Variants in FER observed in about 807,000 individuals in gnomAD.
FER encodes the protein tyrosine-protein kinase Fer.
A neutral mutation model predicts 111.0 loss-of-function variants in FER; 63 were observed. The ratio of observed to expected loss-of-function variants is 0.57; its 90% CI spans 0.46 to 0.70. The LOEUF is 0.70. Among genes scored for constraint, FER ranks in the 30% least tolerant of loss-of-function variants. The probability of loss-of-function intolerance (pLI) is 0.00; values close to 1 mark genes in which losing one functional copy is unlikely to be tolerated. For missense variants in FER, 914 were observed against 954.0 expected (o/e 0.96, Z 0.55); for synonymous variants, 327 against 313.9 (o/e 1.04, Z -0.44).
chr5:109,105,053 T>C (rs28668572), intron 17 of FER, among the ~76,000 whole-genome samples: 1 of 152,122 alleles, frequency 6.6e-6, no homozygotes, highest in African/African-American at 2.4e-5. Context: ...AAGACTAATA[T>C]TATTCTTAAG....
chr5:108,992,553 G>C (rs1002049809), intron 13 of FER, among the ~76,000 whole-genome samples: 1 of 149,324 alleles, frequency 6.7e-6, no homozygotes, highest in African/African-American at 2.5e-5. Flanking sequence ...GGGCAGAGGG[G>C]CTCCTCACTT....
chr5:109,077,917 A>T (rs1776534741), intron 16 of FER, among the ~76,000 whole-genome samples: 1 of 152,208 alleles, frequency 6.6e-6, no homozygotes, highest in South Asian at 2.1e-4. Context: ...ATAGTACTTA[A>T]GTATTATTAT....
At chr5:108,788,962 T>A (rs528291618) in intron 2 of FER, among the ~76,000 whole-genome samples, 1 of 152,350 alleles carries the variant, frequency 6.6e-6, no homozygotes, top group East Asian at 1.9e-4. Context: ...CGCATTGACA[T>A]TGTCAATTCT....
intron 3 of FER, among the ~76,000 whole-genome samples, chr5:108,831,586 A>G (rs1760052748): frequency 6.6e-6 from 1 of 152,188 alleles, no homozygotes; most frequent in Non-Finnish European, 1.5e-5. Flanking sequence ...TTTCACAACT[A>G]AAAATAGTCC....
At chr5:108,869,265 A>G (rs1366261474) in intron 6 of FER, among the ~76,000 whole-genome samples, 1 of 152,116 alleles carries the variant, frequency 6.6e-6, no homozygotes, top group African/African-American at 2.4e-5. Flanking sequence ...TATCCAGGGT[A>G]TATCTATGAC....
chr5:109,046,357 A>G (rs1488991696), intron 15 of FER, among the ~76,000 whole-genome samples: 1 of 152,112 alleles, frequency 6.6e-6, no homozygotes, highest in Non-Finnish European at 1.5e-5. Flanking sequence ...ATATATATAT[A>G]TATATGCGCT....
intron 2 of FER, among the ~76,000 whole-genome samples, chr5:108,794,526 A>ACCCCCCCC (rs138716410): frequency 9.6e-4 from 102 of 106,376 alleles, no homozygotes; most frequent in East Asian, 1.3e-3. Context: ...CCCCCTCCGC[A>ACCCCCCCC]CCCCCCCCCC....
intron 1 of FER, chr5:108,748,573 C>G (rs1057046639): frequency 2.0e-5 from 3 of 152,356 alleles, no homozygotes; most frequent in African/African-American, 7.2e-5. Flanking sequence ...TAGGGAGGAG[C>G]AGGTTACCGA....
chr5:108,855,594 GAAA>G (rs199949845), intron 5 of FER, among the ~76,000 whole-genome samples: 3 of 102,982 alleles, frequency 2.9e-5, no homozygotes, highest in Non-Finnish European at 2.0e-5. Flanking sequence ...GCACTCCAGC[GAAA>G]AAAAAAAAAA....
intron 13 of FER, among the ~76,000 whole-genome samples, chr5:108,983,542 T>C (rs1762234658): frequency 6.6e-6 from 1 of 152,104 alleles, no homozygotes; most frequent in South Asian, 2.1e-4. Context: ...CTGATGACAG[T>C]GAAGTTTTTG....
At chr5:109,176,957 T>A (rs964814449) in intron 17 of FER, among the ~76,000 whole-genome samples, 1 of 152,202 alleles carries the variant, frequency 6.6e-6, no homozygotes, top group Non-Finnish European at 1.5e-5. Flanking sequence ...AACAAATATA[T>A]ACATGTAGTA....
chr5:108,845,069 C>CAT (rs1561503658), intron 5 of FER, among the ~76,000 whole-genome samples: 1 of 69,952 alleles, frequency 1.4e-5, no homozygotes, highest in African/African-American at 5.3e-5. Context: ...TATATATATA[C>CAT]ACACACACAC....
At chr5:109,082,547 A>G (rs1488994256) in intron 16 of FER, among the ~76,000 whole-genome samples, 6 of 152,036 alleles carry the variant, frequency 3.9e-5, no homozygotes, top group Non-Finnish European at 7.4e-5. Flanking sequence ...GATAATGCCT[A>G]TGACAGCACG....
intron 17 of FER, among the ~76,000 whole-genome samples, chr5:109,178,776 C>G (rs1757978752): frequency 6.6e-6 from 1 of 152,132 alleles, no homozygotes; most frequent in South Asian, 2.1e-4. Context: ...CTTAAAATTA[C>G]TTTATTTTAG....
intron 2 of FER, among the ~76,000 whole-genome samples, chr5:108,796,705 G>C (rs147809156): frequency 6.6e-6 from 1 of 152,100 alleles, no homozygotes; most frequent in Non-Finnish European, 1.5e-5. Flanking sequence ...TTGACGTGAG[G>C]CCCAAGTTTC....
chr5:108,908,482 C>T (rs1329881597), intron 10 of FER, among the ~76,000 whole-genome samples: 1 of 152,116 alleles, frequency 6.6e-6, no homozygotes, highest in Non-Finnish European at 1.5e-5. Flanking sequence ...CATCACATAA[C>T]ATGTTCAAGT....
intron 8 of FER, among the ~76,000 whole-genome samples, chr5:108,881,542 T>C (rs990829999): frequency 6.6e-6 from 1 of 152,090 alleles, no homozygotes; most frequent in African/African-American, 2.4e-5. Flanking sequence ...CCAAACCATA[T>C]CAGACTGTCA....
At chr5:109,103,468 G>A (rs1353906585) in intron 17 of FER, among the ~76,000 whole-genome samples, 3 of 152,094 alleles carry the variant, frequency 2.0e-5, no homozygotes, top group Non-Finnish European at 4.4e-5. Flanking sequence ...ATGGAAAGAG[G>A]TTACTGCATT....
chr5:108,827,537 G>T (rs1759592467), intron 3 of FER, among the ~76,000 whole-genome samples: 1 of 151,852 alleles, frequency 6.6e-6, no homozygotes, highest in Admixed American at 6.6e-5. Context: ...CTTAATTTTA[G>T]CGACTTTATT....
Sources: gnomAD v4.1 joint callset for allele counts (sites outside exome capture counted in the v4.1 genomes callset) on GRCh38, gnomAD v4.1.1 for gene constraint, MANE v1.5 for transcripts, NCBI Gene and HGNC (gene_info 2026-07-23, HGNC 2026-07-21) for gene names.